The following MTRF1 variants were observed in gnomAD, a reference collection of about 807,000 sequenced individuals.
MTRF1 encodes mitochondrial translation release factor 1.
In MTRF1, 51 loss-of-function variants were observed where a neutral mutation model predicts 62.9. That is an observed-to-expected ratio of 0.81 (90% CI 0.65 to 1.02). The LOEUF (loss-of-function observed/expected upper bound fraction) is 1.02, where lower values mean the gene tolerates loss of function less well. MTRF1 is among the 50% of genes least tolerant of loss of function. MTRF1 has a pLI of 0.00. For synonymous variants in MTRF1, 158 were observed against 181.9 expected (o/e 0.87, Z 1.06); for missense variants, 446 against 530.0 (o/e 0.84, Z 1.56).
the MTRF1 span, among the ~76,000 whole-genome samples, chr13:41,300,353 G>A: frequency 2.1e-4 from 32 of 152,240 alleles, no homozygotes; most frequent in Admixed American, 2.1e-3. Context: ...TTGGGAGGCC[G>A]AGGCGGGCGG....
chr13:41,242,877 A>C (rs944720460), intron 5 of MTRF1, among the ~76,000 whole-genome samples: 3 of 152,092 alleles, frequency 2.0e-5, no homozygotes, highest in Non-Finnish European at 4.4e-5. Flanking sequence ...GGAGCCCAGG[A>C]GTTCAAGACC....
the MTRF1 span, among the ~76,000 whole-genome samples, chr13:41,278,749 T>A: frequency 1.3e-5 from 2 of 152,192 alleles, no homozygotes; most frequent in Non-Finnish European, 2.9e-5. Context: ...TAATAAGCCA[T>A]CTTTACCAAC....
chr13:41,307,670 G>T, the MTRF1 span, among the ~76,000 whole-genome samples: 1 of 151,790 alleles, frequency 6.6e-6, no homozygotes, highest in African/African-American at 2.4e-5. Context: ...TCCTGCTCCA[G>T]CCATGTAGGA....
At chr13:41,289,750 G>C in the MTRF1 span, among the ~76,000 whole-genome samples, 1 of 152,198 alleles carries the variant, frequency 6.6e-6, no homozygotes, top group South Asian at 2.1e-4. Flanking sequence ...GAGATCCACT[G>C]AAAACCGCAA....
the MTRF1 span, among the ~76,000 whole-genome samples, chr13:41,281,652 A>G: frequency 6.6e-6 from 1 of 152,170 alleles, no homozygotes; most frequent in Non-Finnish European, 1.5e-5. Context: ...GATTTAGCCC[A>G]TCTCTGCATT....
At chr13:41,281,628 A>G in the MTRF1 span, among the ~76,000 whole-genome samples, 3 of 152,134 alleles carry the variant, frequency 2.0e-5, no homozygotes, top group Non-Finnish European at 4.4e-5. Context: ...AGAGGGTGAA[A>G]AAGAACGTGT....
the MTRF1 span, among the ~76,000 whole-genome samples, chr13:41,295,922 T>C: frequency 6.6e-6 from 1 of 151,006 alleles, no homozygotes; most frequent in African/African-American, 2.4e-5. Context: ...TACTGATGCA[T>C]GCCAGAACAT....
the MTRF1 span, among the ~76,000 whole-genome samples, chr13:41,294,696 G>A: frequency 6.6e-6 from 1 of 152,086 alleles, no homozygotes; most frequent in Admixed American, 6.5e-5. Flanking sequence ...GAGAGCAAAA[G>A]TATAGGATAA....
At chr13:41,311,453 G>C in the MTRF1 span, 1 of 1,432,832 alleles carries the variant, frequency 7.0e-7, no homozygotes, top group Non-Finnish European at 9.6e-7. Context: ...GGTTCGTCCC[G>C]GTGCCCACCC....
the MTRF1 span, among the ~76,000 whole-genome samples, chr13:41,290,089 C>CTTTTTTTT: frequency 3.8e-4 from 30 of 78,510 alleles, no homozygotes; most frequent in Non-Finnish European, 5.2e-4. Context: ...TGTAATAGTT[C>CTTTTTTTT]TTTTTTTTTT....
intron 6 of MTRF1, among the ~76,000 whole-genome samples, chr13:41,237,040 G>A (rs935048749): frequency 4.0e-5 from 6 of 151,786 alleles, no homozygotes; most frequent in Non-Finnish European, 7.4e-5. Context: ...GCAACATGGC[G>A]AAACCTCGTC....
the MTRF1 span, among the ~76,000 whole-genome samples, chr13:41,276,693 A>G: frequency 6.6e-6 from 1 of 152,160 alleles, no homozygotes; most frequent in Non-Finnish European, 1.5e-5. Context: ...TTAAATGATA[A>G]TGAGCCTTCC....
At chr13:41,240,483 A>G (rs769102104) in intron 5 of MTRF1, 50 bp from the exon 6 acceptor site, 9 of 1,547,610 alleles carry the variant, frequency 5.8e-6, no homozygotes, top group Non-Finnish European at 7.0e-6. Flanking sequence ...TTTGAAACAG[A>G]TCAGGATCCT....
intron 7 of MTRF1, 107 bp downstream of exon 7, chr13:41,233,783 T>G: frequency 1.2e-6 from 1 of 835,762 alleles, no homozygotes; most frequent in Non-Finnish European, 2.0e-6. Context: ...AGTGACATTT[T>G]TAAAGAGCTG....
At chr13:41,253,074 A>C (rs992802184) in intron 3 of MTRF1, 44 bp from the exon 4 acceptor site, 2 of 1,399,430 alleles carry the variant, frequency 1.4e-6, no homozygotes, top group Non-Finnish European at 2.0e-6. Context: ...TCCCCGGTAC[A>C]CTATTACTGA....
intron 1 of MTRF1, chr13:41,261,887 CAG>C: frequency 3.8e-6 from 2 of 524,478 alleles, no homozygotes; most frequent in Non-Finnish European, 4.9e-6. Flanking sequence ...AAAAGCTCTA[CAG>C]TTATATTAAA....
At chr13:41,281,199 T>G in the MTRF1 span, among the ~76,000 whole-genome samples, 1 of 152,152 alleles carries the variant, frequency 6.6e-6, no homozygotes, top group Non-Finnish European at 1.5e-5. Context: ...AGACAACCAA[T>G]GTTTTAATTG....
In MTRF1 at chr13:41,217,091, T is replaced by C. The variant is rs911015510; in HGVS notation, c.*24A>G. The C allele has an allele frequency of 3.0e-6, 4 of 1,329,710 alleles. No homozygotes were observed. Among genetic ancestry groups the C allele is most frequent in the Non-Finnish European group, 4.3e-6 (4 of 939,568 alleles). 82.4% of individuals were successfully genotyped at this position (1,329,710 alleles called of 1,614,324 possible). A position where few individuals can be genotyped will look rare whatever the true frequency, so the allele number is the denominator to read the frequency against. The stretch of plus-strand genomic sequence containing the variant: ...ATATAGGTCCATTTCATTTATATAA[T>C]CATAAATAATAATAAGTTAGTATTT... On this transcript the variant is annotated 3_prime_UTR_variant, in exon 10 of 10. Transcript: ENST00000379480.
At chr13:41,263,283 A>G in intron 1 of MTRF1, 1 of 1,289,416 alleles carries the variant, frequency 7.8e-7, no homozygotes, top group African/African-American at 1.5e-5. Flanking sequence ...ACCTGAGAAC[A>G]GCACGACTTC....
Sources: gnomAD v4.1 joint callset for allele counts (sites outside exome capture counted in the v4.1 genomes callset) on GRCh38, gnomAD v4.1.1 for gene constraint, MANE v1.5 for transcripts, NCBI Gene and HGNC (gene_info 2026-07-23, HGNC 2026-07-21) for gene names.